ZNF519: variants seen among roughly 807,000 people sequenced by gnomAD.
The protein encoded by ZNF519 is similar to Zinc finger protein 85 (Zinc finger protein HPF4) (HTF1).
A neutral mutation model predicts 7.4 loss-of-function variants in ZNF519; 7 were observed. The observed-to-expected ratio is 0.94, with a 90% CI of 0.54 to 1.77. The LOEUF (loss-of-function observed/expected upper bound fraction) is 1.77, where lower values mean the gene tolerates loss of function less well. ZNF519 is among the 40% of genes most tolerant of loss of function. The probability of loss-of-function intolerance (pLI) is 0.00; values close to 1 mark genes in which losing one functional copy is unlikely to be tolerated. For synonymous variants in ZNF519, 179 were observed against 203.3 expected, an observed-to-expected ratio of 0.88 and a Z score of 1.02; for missense variants, 586 against 623.1, an observed-to-expected ratio of 0.94 and a Z score of 0.63.
chr18:14,089,271 G>C (rs914146282), intron 2 of ZNF519, among the ~76,000 whole-genome samples: 1 of 152,140 alleles, frequency 6.6e-6, no homozygotes, highest in African/African-American at 2.4e-5. Flanking sequence ...AATGAAACTA[G>C]ACTAACTTGT....
intron 3 of ZNF519, among the ~76,000 whole-genome samples, chr18:14,079,754 C>G (rs1360280658): frequency 6.6e-6 from 1 of 152,036 alleles, no homozygotes; most frequent in Non-Finnish European, 1.5e-5. Flanking sequence ...AAAATGAACA[C>G]AAAATAGATT....
chr18:14,128,238 C>A (rs1017466279), intron 1 of ZNF519, among the ~76,000 whole-genome samples: 1 of 151,904 alleles, frequency 6.6e-6, no homozygotes. Context: ...GCTTGCAGTG[C>A]GCCGAGATCG....
At chr18:14,116,008 T>C (rs1168151896) in intron 2 of ZNF519, among the ~76,000 whole-genome samples, 1 of 152,196 alleles carries the variant, frequency 6.6e-6, no homozygotes, top group Admixed American at 6.5e-5. Context: ...GTTATATAGG[T>C]AAACTTGTGT....
chr18:14,114,776 T>A (rs74559641), intron 2 of ZNF519, among the ~76,000 whole-genome samples: 2,362 of 152,210 alleles, frequency 0.016, 65 homozygotes, highest in African/African-American at 0.054. Flanking sequence ...TAATTGTATA[T>A]TTTTAAATAA....
At chr18:14,117,616 T>TA (rs949446912) in intron 2 of ZNF519, among the ~76,000 whole-genome samples, 8 of 152,106 alleles carry the variant, frequency 5.3e-5, no homozygotes, top group Admixed American at 2.6e-4. Context: ...CTGGGTATTT[T>TA]AAAAAAAAGA....
At chr18:14,081,664 T>C (rs768623665) in intron 3 of ZNF519, among the ~76,000 whole-genome samples, 37 of 152,166 alleles carry the variant, frequency 2.4e-4, no homozygotes, top group Non-Finnish European at 5.0e-4. Context: ...TTTCTTAAAT[T>C]AGGGACTCCA....
intron 2 of ZNF519, among the ~76,000 whole-genome samples, chr18:14,113,613 T>C (rs1043807130): frequency 6.6e-6 from 1 of 152,110 alleles, no homozygotes; most frequent in African/African-American, 2.4e-5. Context: ...AAAATGGAGG[T>C]GCAAATCTCT....
At chr18:14,074,639 C>T (rs1290374365), downstream of ZNF519, 1 of 152,484 alleles carries the variant, frequency 6.6e-6, no homozygotes, top group African/African-American at 2.4e-5. Context: ...ACGAGAGTCA[C>T]CTTTGCTCCA....
chr18:14,097,639 T>C (rs907911782), downstream of ZNF519, among the ~76,000 whole-genome samples: 3 of 152,192 alleles, frequency 2.0e-5, no homozygotes, highest in Admixed American at 1.3e-4. Flanking sequence ...ATCAAGGGGC[T>C]TGGATGTACA....
At chr18:14,109,336 G>A (rs2046210114) in intron 2 of ZNF519, among the ~76,000 whole-genome samples, 1 of 151,980 alleles carries the variant, frequency 6.6e-6, no homozygotes, top group African/African-American at 2.4e-5. Flanking sequence ...AGAAATATCA[G>A]GCCTAATCTG....
chr18:14,100,400 C>A lies in ZNF519; in HGVS notation c.*4517G>T, dbSNP rs1222174195. On this transcript the variant is annotated 3_prime_UTR_variant, in exon 3 of 3. Transcript: ENST00000590202. Reference sequence around the variant, plus strand: ...AGCACTTTTATTCATAATAGCCACACACTGACTGAAAACAACAAATATGTT... The same window carrying A: ...AGCACTTTTATTCATAATAGCCACAAACTGACTGAAAACAACAAATATGTT... The A allele has an allele frequency of 2.6e-5, 4 of 152,150 alleles. No individual in the cohort carries two copies. Among genetic ancestry groups the A allele is most frequent in the African/African-American group, 9.7e-5 (4 of 41,416 alleles). 9.4% of individuals were successfully genotyped at this position (152,150 alleles called of 1,614,324 possible).
chr18:14,105,077 A>C lies in ZNF519; in HGVS notation c.1463T>G (p.Phe488Cys). The change falls in exon 3 of 3, where the codon TTC (phenylalanine) becomes TGC (cysteine). Residue 488 changes from phenylalanine (F) to cysteine (C), a missense_variant. By Grantham distance (205) the Phe-to-Cys change is radical. Transcript: ENST00000590202. ...HQRVHTGEKF[F>C]KCKECGKAFT... is the part of the protein sequence containing the mutation. ...AGCTTTGCCACATTCTTTACATTTG[A>C]AGAATTTCTCTCCAGTATGGACTCT... 6.2e-7 allele frequency: 1 copy of C among 1,611,578 alleles called. No individual in the cohort carries two copies. Among genetic ancestry groups the C allele is most frequent in the Non-Finnish European group, 8.5e-7 (1 of 1,179,006 alleles).
At chr18:14,097,259 T>C (rs1417691848), downstream of ZNF519, among the ~76,000 whole-genome samples, 1 of 152,194 alleles carries the variant, frequency 6.6e-6, no homozygotes. Flanking sequence ...TAGTGATTTG[T>C]TGGAAAAACT....
chr18:14,086,256 C>T (rs2046090159), intron 2 of ZNF519, among the ~76,000 whole-genome samples: 1 of 152,330 alleles, frequency 6.6e-6, no homozygotes, highest in African/African-American at 2.4e-5. Flanking sequence ...GGACTTGTCA[C>T]AGTGCCAGGT....
chr18:14,110,251 T>C (rs1265080599), intron 2 of ZNF519, among the ~76,000 whole-genome samples: 1 of 151,876 alleles, frequency 6.6e-6, no homozygotes, highest in Non-Finnish European at 1.5e-5. Flanking sequence ...TTCTAAAAGG[T>C]AACATATAAA....
Position 14,103,222 on chromosome 18 carries a change from C to T in ZNF519, c.*1695G>A, listed in dbSNP as rs1373420558. On this transcript the variant is annotated 3_prime_UTR_variant, in exon 3 of 3. Coordinates refer to ENST00000590202, the MANE Select transcript of ZNF519 (RefSeq NM_145287.4). ...AACAAATATGAACTGATAGAATTCT[C>T]AAATTTATAGAATTTTCCACTCAAA... 2.0e-5 allele frequency: 3 copies of T among 151,986 alleles called. No individual in the cohort carries two copies. Among genetic ancestry groups the T allele is most frequent in the Non-Finnish European group, 4.4e-5 (3 of 67,954 alleles). 9.4% of individuals were successfully genotyped at this position (151,986 alleles called of 1,614,324 possible).
intron 2 of ZNF519, chr18:14,121,850 A>C (rs2046271070): frequency 6.6e-6 from 1 of 152,204 alleles, no homozygotes; most frequent in African/African-American, 2.4e-5. Context: ...ATAGTTATTA[A>C]AAAATAAGAT....
chr18:14,130,976 G>A (rs2046326832), intron 1 of ZNF519, among the ~76,000 whole-genome samples: 1 of 152,064 alleles, frequency 6.6e-6, no homozygotes, highest in African/African-American at 2.4e-5. Flanking sequence ...CCCTCAGTGT[G>A]TCCTCTGGAA....
rs933322635 is a variant in ZNF519 at position 14,101,965 on chromosome 18, T to A, written c.*2952A>T. On this transcript the variant is annotated 3_prime_UTR_variant, in exon 3 of 3. Transcript: ENST00000590202. ...TCAACATGAATAATTTTAAGACATA[T>A]AATATTCTCTAATATTCAGGAATAA... 2.6e-6 allele frequency: 1 copy of A among 378,222 alleles called. No individual in the cohort carries two copies. The highest frequency in any genetic ancestry group is 4.7e-6 in the Non-Finnish European group (1 of 214,264). The allele number at this position is 378,222 out of a possible 1,614,324, so 23.4% of individuals were successfully genotyped here.
Sources: gnomAD v4.1 joint callset for allele counts (sites outside exome capture counted in the v4.1 genomes callset) on GRCh38, gnomAD v4.1.1 for gene constraint, MANE v1.5 for transcripts, NCBI Gene and HGNC (gene_info 2026-07-23, HGNC 2026-07-21) for gene names.